The following SLC2A9 variants were observed in gnomAD, a reference collection of about 807,000 sequenced individuals.
SLC2A9 encodes the protein solute carrier family 2 member 9.
In SLC2A9, 39 loss-of-function variants were observed where a neutral mutation model predicts 50.6. The observed-to-expected ratio is 0.77, with a 90% CI of 0.60 to 1.01. SLC2A9 has a LOEUF of 1.01. SLC2A9 is among the 50% of genes least tolerant of loss of function. SLC2A9 has a pLI of 0.00. For synonymous variants in SLC2A9, 324 were observed against 276.9 expected (o/e 1.17, Z -1.69); for missense variants, 686 against 677.6 (o/e 1.01, Z -0.14).
At chr4:9,771,348 C>T in exon 2 of SLC2A9, 1 of 394,082 alleles carries the variant, frequency 2.5e-6, no homozygotes. Flanking sequence ...TTCTGCAGGT[C>T]TGCCTTCTTG....
At chr4:9,961,539 A>G (rs1410596511) in intron 5 of SLC2A9, among the ~76,000 whole-genome samples, 2 of 152,350 alleles carry the variant, frequency 1.3e-5, no homozygotes, top group Middle Eastern at 3.4e-3. Context: ...CTTACACCTT[A>G]TACAAAAATT....
rs779863644 is a variant in SLC2A9, at chr4:9,826,439, G to T, written c.1581C>A (p.Ile527=). The stretch of plus-strand genomic sequence containing the variant: ...TCTTACCATCAGTGACAGCTGAGTC[G>T]ATTTTCTCTTCTGGTGGGTATGCTT... ...RNKAYPPEEK[I]DSAVTDGKIN... is the part of the protein sequence containing the mutation. Residue 527 remains isoleucine, a synonymous_variant, in exon 12 of 12, where the codon ATC becomes ATA. Coordinates refer to ENST00000264784, the MANE Select transcript of SLC2A9 (RefSeq NM_020041.3). 1 of 1,614,050 alleles carries T rather than the reference G, an allele frequency of 6.2e-7. No homozygotes were observed. The highest frequency in any genetic ancestry group is 1.1e-5 in the South Asian group (1 of 91,070).
intron 3 of SLC2A9, among the ~76,000 whole-genome samples, chr4:9,812,288 C>T (rs552437068): frequency 4.6e-5 from 7 of 152,252 alleles, no homozygotes; most frequent in East Asian, 3.9e-4. Context: ...GTAGAAACTG[C>T]GGCAACTCCT....
At chr4:10,010,611 A>T (rs12642431) in intron 2 of SLC2A9, among the ~76,000 whole-genome samples, 15,615 of 152,124 alleles carry the variant, frequency 0.1, 1,496 homozygotes, top group East Asian at 0.46. Context: ...GACGCCAGGG[A>T]AACAAATGAA....
chr4:9,865,661 T>C (rs770394589), intron 10 of SLC2A9, among the ~76,000 whole-genome samples: 15 of 152,212 alleles, frequency 9.9e-5, no homozygotes, highest in Non-Finnish European at 2.2e-4. Context: ...GGCTGGTGAC[T>C]TTCCAAAGAC....
At chr4:10,000,170 C>A (rs1164278518) in intron 2 of SLC2A9, among the ~76,000 whole-genome samples, 1 of 152,176 alleles carries the variant, frequency 6.6e-6, no homozygotes, top group African/African-American at 2.4e-5. Context: ...AATATATTAT[C>A]AATAGCTACA....
intron 6 of SLC2A9, among the ~76,000 whole-genome samples, chr4:9,922,572 AC>A (rs1335766583): frequency 6.6e-6 from 1 of 152,064 alleles, no homozygotes. Flanking sequence ...TTTCAGAGTG[AC>A]CCCCAGCCTA....
At chr4:9,913,498 T>C (rs1239601659) in intron 7 of SLC2A9, among the ~76,000 whole-genome samples, 9 of 152,200 alleles carry the variant, frequency 5.9e-5, no homozygotes, top group African/African-American at 2.2e-4. Flanking sequence ...TGCCCATTTA[T>C]TAAACACTGT....
intron 3 of SLC2A9, chr4:9,783,739 A>C (rs993744101): frequency 5.8e-6 from 2 of 342,344 alleles, no homozygotes; most frequent in African/African-American, 4.2e-5. Context: ...TTAAAAAAAA[A>C]AATGATACTT....
intron 9 of SLC2A9, among the ~76,000 whole-genome samples, chr4:9,888,736 G>A (rs544033265): frequency 5.9e-5 from 9 of 152,280 alleles, no homozygotes; most frequent in East Asian, 5.8e-4. Flanking sequence ...GGGCACCATC[G>A]GCGGGGGGGT....
intron 5 of SLC2A9, among the ~76,000 whole-genome samples, chr4:9,973,389 T>C (rs1274584708): frequency 6.6e-6 from 1 of 152,220 alleles, no homozygotes; most frequent in Non-Finnish European, 1.5e-5. Flanking sequence ...GTACCAATCC[T>C]GCTGAAACTA....
intron 10 of SLC2A9, among the ~76,000 whole-genome samples, chr4:9,881,913 G>C (rs985204282): frequency 6.6e-6 from 1 of 152,234 alleles, no homozygotes; most frequent in African/African-American, 2.4e-5. Context: ...CTCCAGCGCT[G>C]AAGTCATTCC....
upstream of SLC2A9, chr4:10,025,802 G>C: frequency 7.1e-6 from 8 of 1,121,068 alleles, no homozygotes; most frequent in Admixed American, 3.7e-5. Context: ...TCTCTGCCCA[G>C]CTTCACCTTA....
intron 5 of SLC2A9, among the ~76,000 whole-genome samples, chr4:9,948,146 C>T (rs577015000): frequency 1.3e-5 from 2 of 152,134 alleles, no homozygotes; most frequent in African/African-American, 4.8e-5. Context: ...CCTTCCATGA[C>T]ACACTCTCCC....
intron 5 of SLC2A9, among the ~76,000 whole-genome samples, chr4:9,949,844 G>A (rs557103301): frequency 1.3e-5 from 2 of 152,334 alleles, no homozygotes; most frequent in South Asian, 4.1e-4. Flanking sequence ...AGTGAAGCCT[G>A]CACTCACATT....
intron 1 of SLC2A9, among the ~76,000 whole-genome samples, chr4:9,773,712 G>A (rs1410865086): frequency 6.6e-6 from 1 of 152,216 alleles, no homozygotes; most frequent in Non-Finnish European, 1.5e-5. Flanking sequence ...AGCCTGTGCT[G>A]ATGAGGCTGA....
At chr4:10,023,268 G>T (rs950829140), upstream of SLC2A9, among the ~76,000 whole-genome samples, 2 of 152,194 alleles carry the variant, frequency 1.3e-5, no homozygotes, top group Non-Finnish European at 2.9e-5. Flanking sequence ...GCATGGTTGG[G>T]GCCTGAAGTA....
At chr4:9,919,363 G>A (rs751661426) in intron 7 of SLC2A9, among the ~76,000 whole-genome samples, 2 of 152,144 alleles carry the variant, frequency 1.3e-5, no homozygotes, top group Non-Finnish European at 2.9e-5. Flanking sequence ...CAGTGTTTCC[G>A]AAAATAGAAC....
downstream of SLC2A9, among the ~76,000 whole-genome samples, chr4:9,823,629 A>G (rs2109059386): frequency 6.6e-6 from 1 of 152,374 alleles, no homozygotes; most frequent in South Asian, 2.1e-4. Flanking sequence ...AATATTAGAA[A>G]GTAATACAAT....
Sources: gnomAD v4.1 joint callset for allele counts (sites outside exome capture counted in the v4.1 genomes callset) on GRCh38, gnomAD v4.1.1 for gene constraint, MANE v1.5 for transcripts, NCBI Gene and HGNC (gene_info 2026-07-23, HGNC 2026-07-21) for gene names.